PAK6: variants seen among roughly 807,000 people sequenced by gnomAD.
The protein encoded by PAK6 is p21 (RAC1) activated kinase 6.
In PAK6, 33 loss-of-function variants were observed where a neutral mutation model predicts 60.8. The ratio of observed to expected loss-of-function variants is 0.54; its 90% confidence interval spans 0.41 to 0.73. The LOEUF (loss-of-function observed/expected upper bound fraction) is 0.73, where lower values mean the gene tolerates loss of function less well. Among genes scored for constraint, PAK6 ranks in the 30% least tolerant of loss-of-function variants. The probability of loss-of-function intolerance (pLI) is 0.00; values close to 1 mark genes in which losing one functional copy is unlikely to be tolerated. For missense variants in PAK6, 845 were observed against 904.1 expected (o/e 0.93, Z 0.84); for synonymous variants, 404 against 378.5 (o/e 1.07, Z -0.78).
At chr15:40,255,514 G>T (rs2038810390) in intron 3 of PAK6, among the ~76,000 whole-genome samples, 1 of 152,130 alleles carries the variant, frequency 6.6e-6, no homozygotes, top group Non-Finnish European at 1.5e-5. Context: ...AATCTTGTGG[G>T]CATCCACATG....
intron 2 of PAK6, among the ~76,000 whole-genome samples, chr15:40,248,723 C>T (rs1189602543): frequency 6.7e-6 from 1 of 148,232 alleles, no homozygotes; most frequent in African/African-American, 2.6e-5. Context: ...AAGGGACGGT[C>T]CTCCTACCCG....
chr15:40,273,763 C>A, intron 9 of PAK6, 87 bp downstream of exon 9: 1 of 1,489,568 alleles, frequency 6.7e-7, no homozygotes, highest in South Asian at 1.2e-5. Context: ...GTGAGCTCAC[C>A]AAAAGCAGCC....
At chr15:40,273,916 T>A in intron 9 of PAK6, 1 of 665,610 alleles carries the variant, frequency 1.5e-6, no homozygotes, top group East Asian at 2.7e-5. Flanking sequence ...GGGCCTCCTA[T>A]GTATGATGGC....
exon 5 of PAK6, chr15:40,266,221 T>C (rs2039129351): frequency 1.2e-6 from 2 of 1,609,996 alleles, no homozygotes; most frequent in African/African-American, 2.7e-5. Flanking sequence ...TGTCTGCAGC[T>C]GGGTGCCTGC....
chr15:40,263,734 C>T, intron 3 of PAK6: 1 of 358,388 alleles, frequency 2.8e-6, no homozygotes, highest in Non-Finnish European at 5.7e-6. Context: ...CCTCCCTCAA[C>T]CCCATGGGTA....
intron 3 of PAK6, 48 bp from the exon 4 acceptor site, chr15:40,264,733 C>G (rs757529088): frequency 3.2e-6 from 5 of 1,552,712 alleles, no homozygotes; most frequent in Non-Finnish European, 4.4e-6. Context: ...CCTGCTGCAG[C>G]CACCCCTCTT....
chr15:40,268,093 C>G (rs2140984953), intron 5 of PAK6, among the ~76,000 whole-genome samples: 1 of 152,286 alleles, frequency 6.6e-6, no homozygotes, highest in East Asian at 1.9e-4. Flanking sequence ...CGGGATGTCC[C>G]CCATACTTGT....
At chr15:40,276,314 A>G in exon 11 of PAK6, 1 of 568,388 alleles carries the variant, frequency 1.8e-6, no homozygotes. Flanking sequence ...ACCCCTTTCT[A>G]CAGGATGACC....
chr15:40,266,450 A>G (rs771289331), exon 5 of PAK6: 4 of 1,612,050 alleles, frequency 2.5e-6, no homozygotes, highest in South Asian at 1.1e-5. Context: ...CTGCTGCCAC[A>G]GCCCCTCCAA....
In PAK6 at chr15:40,264,892, TC is replaced by T; in HGVS notation, c.113del (p.Pro38HisfsTer30). On this transcript the variant is annotated frameshift_variant, in exon 4 of 11. Transcript: ENST00000560346. LOFTEE classifies it high-confidence loss of function. ...CCCAAAGAAGGCAAGTTTGTGGGCC[TC>T]CCCCCACAATGGCAGAACATCCTGG... 6.2e-7 allele frequency: 1 copy of T among 1,613,694 alleles called. No individual in the cohort carries two copies. Among genetic ancestry groups the T allele is most frequent in the Non-Finnish European group, 8.5e-7 (1 of 1,179,962 alleles).
rs1006885574 is a variant in PAK6 at position 40,265,444 on chromosome 15, G to A, written c.205-398G>A. On this transcript the variant is annotated intron_variant, in intron 4 of 10. Coordinates refer to ENST00000560346, the Ensembl canonical transcript of PAK6. ...TTTGGAGGCTGCGAAGCCAGTGTGT[G>A]TGGAGGAGCCCCCGGCCTGGTGTCT... Among the ~76,000 whole-genome samples the A allele has an allele frequency of 2.6e-5, 4 of 152,184 alleles. 1 individual carries two copies. Among genetic ancestry groups the A allele is most frequent in the Admixed American group, 6.5e-5 (1 of 15,290 alleles).
intron 3 of PAK6, among the ~76,000 whole-genome samples, chr15:40,255,189 G>A (rs978107027): frequency 6.6e-6 from 1 of 152,188 alleles, no homozygotes; most frequent in African/African-American, 2.4e-5. Flanking sequence ...TGCAGAGGCT[G>A]TTGAGAATCT....
At chr15:40,242,689 G>A (rs2038388496) in intron 2 of PAK6, among the ~76,000 whole-genome samples, 1 of 152,184 alleles carries the variant, frequency 6.6e-6, no homozygotes, top group Non-Finnish European at 1.5e-5. Context: ...GCCTGGGCCT[G>A]GGAAGTTGTC....
At chr15:40,269,183 T>C (rs2140986683) in intron 5 of PAK6, among the ~76,000 whole-genome samples, 1 of 152,274 alleles carries the variant, frequency 6.6e-6, no homozygotes, top group African/African-American at 2.4e-5. Context: ...CATACCCAAC[T>C]AATTTTTGTA....
At chr15:40,275,060 T>C (rs561911635) in intron 10 of PAK6, among the ~76,000 whole-genome samples, 2 of 152,252 alleles carry the variant, frequency 1.3e-5, no homozygotes, top group African/African-American at 4.8e-5. Context: ...AAAATTAGCA[T>C]ATAAAGATCT....
intron 2 of PAK6, 146 bp downstream of exon 2, chr15:40,240,827 G>A (rs947523265): frequency 3.0e-5 from 10 of 328,006 alleles, no homozygotes; most frequent in African/African-American, 1.1e-4. Flanking sequence ...TCCCCACCCG[G>A]CCTGCCACCT....
intron 2 of PAK6, among the ~76,000 whole-genome samples, chr15:40,248,686 G>A (rs1490425273): frequency 6.6e-6 from 1 of 152,196 alleles, no homozygotes; most frequent in Non-Finnish European, 1.5e-5. Context: ...GCCATGTGGG[G>A]GTCCTCGCGT....
At chr15:40,267,908 C>G (rs2039190631) in intron 5 of PAK6, among the ~76,000 whole-genome samples, 1 of 152,170 alleles carries the variant, frequency 6.6e-6, no homozygotes, top group Admixed American at 6.5e-5. Flanking sequence ...CTCTGTCTCT[C>G]AGGAGTCCTG....
chr15:40,270,259 C>A (rs1039431514), intron 5 of PAK6, among the ~76,000 whole-genome samples: 2 of 152,154 alleles, frequency 1.3e-5, no homozygotes, highest in Admixed American at 6.5e-5. Flanking sequence ...CATGGCCATG[C>A]GCCCTCCACC....
Sources: gnomAD v4.1 joint callset for allele counts (sites outside exome capture counted in the v4.1 genomes callset) on GRCh38, gnomAD v4.1.1 for gene constraint, MANE v1.5 for transcripts, NCBI Gene and HGNC (gene_info 2026-07-23, HGNC 2026-07-21) for gene names.